ABHD16A: variants seen among roughly 807,000 people sequenced by gnomAD.
ABHD16A encodes the protein abhydrolase domain containing 16A, phospholipase, also known as phosphatidylserine lipase ABHD16A.
In ABHD16A, 47 loss-of-function variants were observed where a neutral mutation model predicts 89.8. The ratio of observed to expected loss-of-function variants is 0.52; its 90% CI spans 0.41 to 0.67. ABHD16A has a LOEUF of 0.67. ABHD16A is among the 30% of genes least tolerant of loss of function. ABHD16A has a pLI of 0.00. For synonymous variants in ABHD16A, 251 were observed against 280.4 expected, an observed-to-expected ratio of 0.90 and a Z score of 1.05; for missense variants, 580 against 734.6, an observed-to-expected ratio of 0.79 and a Z score of 2.43.
intron 2 of ABHD16A, 56 bp downstream of exon 2, chr6:31,702,018 C>T: frequency 6.2e-7 from 1 of 1,605,602 alleles, no homozygotes. Flanking sequence ...GGGCTAAGTT[C>T]AAGAGGACAG....
At chr6:31,692,203 A>G in intron 7 of ABHD16A, 1 of 360,830 alleles carries the variant, frequency 2.8e-6, no homozygotes, top group Non-Finnish European at 5.0e-6. Context: ...CTGTCTATAC[A>G]TAATAAGTAA....
chr6:31,702,005 G>A lies in ABHD16A; in HGVS notation c.189+69C>T, dbSNP rs144962879. The A allele has an allele frequency of 1.4e-3, 2,221 of 1,583,034 alleles. 21 individuals are homozygous for A. In the East Asian group the frequency reaches 0.018, roughly 13 times the overall value. Reference sequence around the variant, plus strand: ...CAGGGCACTGTTGCTCCCAAGTTAGGGAGGGCTAAGTTCAAGAGGACAGGT... The same window carrying A: ...CAGGGCACTGTTGCTCCCAAGTTAGAGAGGGCTAAGTTCAAGAGGACAGGT... On this transcript the variant is annotated intron_variant, in intron 2 of 19. Transcript: ENST00000395952.
Position 31,688,641 on chromosome 6 carries a change from T to C in ABHD16A, c.1250+82A>G, listed in dbSNP as rs1417159653. The C allele has an allele frequency of 1.3e-6, 2 of 1,498,430 alleles. No individual in the cohort carries two copies. Among genetic ancestry groups the C allele is most frequent in the African/African-American group, 1.4e-5 (1 of 72,216 alleles). 92.8% of individuals were successfully genotyped at this position (1,498,430 alleles called of 1,614,324 possible). ...AGTGGCCTTTTACCAACTTGCACTT[T>C]AGTACTAGTTTCAGGGTTTGAGCGC... On this transcript the variant is annotated intron_variant, in intron 14 of 19. Transcript: ENST00000395952. The surrounding 1 kb of genome is among the most constrained non-coding windows in gnomAD (Gnocchi z 4.9).
At chr6:31,695,092 G>A (rs796454505) in intron 5 of ABHD16A, among the ~76,000 whole-genome samples, 10 of 152,294 alleles carry the variant, frequency 6.6e-5, no homozygotes, top group Admixed American at 3.3e-4. Context: ...GCATCATTAC[G>A]CAGCTCCATA....
At position 31,703,082 on chromosome 6, in the gene ABHD16A, T is replaced by C. The variant is rs1449251600; in HGVS notation, c.132+68A>G. 5.8e-6 allele frequency: 8 copies of C among 1,372,700 alleles called. No individual in the cohort carries two copies. In the African/African-American group the frequency reaches 1.2e-4, roughly 20 times the overall value. 85.0% of individuals were successfully genotyped at this position (1,372,700 alleles called of 1,614,324 possible). A position where few individuals can be genotyped will look rare whatever the true frequency, so the allele number is the denominator to read the frequency against. On this transcript the variant is annotated intron_variant, in intron 1 of 19. Coordinates refer to ENST00000395952, the MANE Select transcript of ABHD16A (RefSeq NM_021160.3). ...CCTTATTTCCCATTATGGGCACTTC[T>C]GGGGAGCAAAAGGCCGTAAAGGGTT...
chr6:31,688,215 G>C lies in ABHD16A; in HGVS notation c.1307+34C>G. ...AGGGACAAGTTCCTGGCCATCTCTGGGGTTCCTGAGGGCCGAGATTCCCAC... is the reference window on the plus strand; with the variant it reads ...AGGGACAAGTTCCTGGCCATCTCTGCGGTTCCTGAGGGCCGAGATTCCCAC... On this transcript the variant is annotated intron_variant, in intron 15 of 19. Transcript: ENST00000395952. The surrounding 1 kb of genome is among the most constrained non-coding windows in gnomAD (Gnocchi z 4.9). The C allele has an allele frequency of 6.2e-7, 1 of 1,612,364 alleles. No homozygotes were observed.
At chr6:31,700,656 G>A (rs545893525) in intron 4 of ABHD16A, among the ~76,000 whole-genome samples, 1 of 151,964 alleles carries the variant, frequency 6.6e-6, no homozygotes, top group African/African-American at 2.4e-5. Context: ...CAGTACTTCG[G>A]GAGGCTGAGG....
rs759915808 is a variant in ABHD16A, at chr6:31,702,063, G to A, written c.189+11C>T. The A allele has an allele frequency of 1.9e-6, 3 of 1,612,930 alleles. No homozygotes were observed. The highest frequency in any genetic ancestry group is 2.5e-6 in the Non-Finnish European group (3 of 1,180,028). On this transcript the variant is annotated intron_variant, in intron 2 of 19. Coordinates refer to ENST00000395952, the MANE Select transcript of ABHD16A (RefSeq NM_021160.3). ...AAAGATGCAGAGTCCCAGATGCCAG[G>A]GTAGACATACCAGTGCCAGGATGCT... is the stretch of plus-strand genomic sequence containing the variant.
At position 31,688,453 on chromosome 6, in the gene ABHD16A, G is replaced by T; in HGVS notation, c.1251-148C>A. On this transcript the variant is annotated intron_variant, in intron 14 of 19. Transcript: ENST00000395952. The surrounding 1 kb of genome is among the most constrained non-coding windows in gnomAD (Gnocchi z 4.9). ...AGCCCTTCACTCAGGGGTGAGAGGGGATTATTTAAGGGGCATGGTTCAGTC... is the reference window on the plus strand; with the variant it reads ...AGCCCTTCACTCAGGGGTGAGAGGGTATTATTTAAGGGGCATGGTTCAGTC... 1.1e-6 allele frequency: 1 copy of T among 877,228 alleles called. No individual in the cohort carries two copies. Among genetic ancestry groups the T allele is most frequent in the Non-Finnish European group, 1.8e-6 (1 of 557,030 alleles). 54.3% of individuals were successfully genotyped at this position (877,228 alleles called of 1,614,324 possible).
chr6:31,688,596 G>T lies in ABHD16A; in HGVS notation c.1250+127C>A. On this transcript the variant is annotated intron_variant, in intron 14 of 19. Transcript: ENST00000395952. The surrounding 1 kb of genome is among the most constrained non-coding windows in gnomAD (Gnocchi z 4.9). The stretch of plus-strand genomic sequence containing the variant: ...GTTAGGCCAGTTGAGGTGGTGGCAG[G>T]GTCACTCAGGATGTGAGCCAGTGGC... 8.9e-7 allele frequency: 1 copy of T among 1,126,628 alleles called. No homozygotes were observed. Among genetic ancestry groups the T allele is most frequent in the Non-Finnish European group, 1.3e-6 (1 of 780,810 alleles). The allele number at this position is 1,126,628 out of a possible 1,614,324, so 69.8% of individuals were successfully genotyped here.
chr6:31,691,534 C>T (rs1803876100), intron 9 of ABHD16A, 45 bp downstream of exon 9: 1 of 1,592,050 alleles, frequency 6.3e-7, no homozygotes, highest in South Asian at 1.1e-5. Flanking sequence ...CCTCTACTGC[C>T]TTCCTCACAC....
chr6:31,689,792 C>T, intron 11 of ABHD16A, 88 bp from the exon 12 acceptor site: 2 of 1,516,196 alleles, frequency 1.3e-6, no homozygotes, highest in Admixed American at 2.1e-5. Flanking sequence ...CCTGCAGCCA[C>T]CTATGACAGG....
intron 5 of ABHD16A, among the ~76,000 whole-genome samples, chr6:31,694,313 T>G (rs1804180567): frequency 1.3e-5 from 2 of 151,642 alleles, no homozygotes. Context: ...TGCCTTGGCT[T>G]CCGAAAGTGC....
intron 4 of ABHD16A, among the ~76,000 whole-genome samples, chr6:31,697,242 C>T (rs746639755): frequency 6.6e-6 from 1 of 152,210 alleles, no homozygotes; most frequent in African/African-American, 2.4e-5. Context: ...CTTCTTCTCC[C>T]TAGCTTCTGC....
chr6:31,701,236 C>T (rs773927474), intron 3 of ABHD16A, 38 bp downstream of exon 3: 1 of 1,584,754 alleles, frequency 6.3e-7, no homozygotes, highest in Admixed American at 1.7e-5. Context: ...CAACAACCTG[C>T]CCATTTGCTA....
At position 31,701,339 on chromosome 6, in the gene ABHD16A, G is replaced by A; in HGVS notation, c.191C>T (p.Ala64Val). The change falls in exon 3 of 20, where the codon GCT (alanine) becomes GTT (valine). Residue 64 changes from alanine to valine, a missense_variant and splice_region_variant. By Grantham distance (64) the Ala-to-Val change is moderately conservative (BLOSUM62 0). This residue lies in a region of ABHD16A where 165 missense variants were observed against 165.8 expected (regional missense o/e 1.00). Coordinates refer to ENST00000395952, the MANE Select transcript of ABHD16A (RefSeq NM_021160.3). ...ATAAGAGATGGACCAGAATACTGAA[G>A]CCTGCAGCAGAGAGACAGGGACAGG... The part of the protein sequence containing the change: ...EKHADSILAL[A>V]SVFWSISYYS... The A allele has an allele frequency of 6.2e-7, 1 of 1,610,890 alleles. No homozygotes were observed. The highest frequency in any genetic ancestry group is 8.5e-7 in the Non-Finnish European group (1 of 1,178,694).
chr6:31,692,751 ACCCCAC>A (rs1804013584), intron 7 of ABHD16A: 1 of 100,572 alleles, frequency 9.9e-6, no homozygotes, highest in African/African-American at 5.3e-5. Flanking sequence ...CCCCACCCCC[ACCCCAC>A]CCCCACTGCT....
chr6:31,689,246 T>C, intron 12 of ABHD16A, 127 bp from the exon 13 acceptor site: 1 of 888,958 alleles, frequency 1.1e-6, no homozygotes, highest in Non-Finnish European at 1.7e-6. Context: ...TGTTTTTTTC[T>C]TAACCTACTT....
At chr6:31,689,544 A>ATG in intron 12 of ABHD16A, 37 bp downstream of exon 12, 1 of 1,532,082 alleles carries the variant, frequency 6.5e-7, no homozygotes. Flanking sequence ...GTGGTCATGA[A>ATG]TGTGTCTACA....
Sources: gnomAD v4.1 joint callset for allele counts (sites outside exome capture counted in the v4.1 genomes callset) on GRCh38, gnomAD v4.1.1 for gene constraint, gnomAD v4.1.1 regional missense constraint, Gnocchi (gnomAD v3.1) non-coding constraint, MANE v1.5 for transcripts, NCBI Gene and HGNC (gene_info 2026-07-23, HGNC 2026-07-21) for gene names.